SRPK2: variants seen among roughly 807,000 people sequenced by gnomAD.
SRPK2 encodes SFRS protein kinase 2.
Under a neutral mutation model 90.8 loss-of-function variants are expected in SRPK2, and 21 were observed. The observed-to-expected ratio is 0.23, with a 90% CI of 0.16 to 0.33. The LOEUF (loss-of-function observed/expected upper bound fraction) is 0.33. Among genes scored for constraint, SRPK2 ranks in the 10% least tolerant of loss-of-function variants. The probability of loss-of-function intolerance (pLI) is 1.00; values close to 1 mark genes in which losing one functional copy is unlikely to be tolerated. For synonymous variants in SRPK2, 288 were observed against 311.1 expected (o/e 0.93, Z 0.78); for missense variants, 620 against 869.0 (o/e 0.71, Z 3.60).
chr7:105,205,515 T>A (rs200094332), intron 2 of SRPK2, among the ~76,000 whole-genome samples: 207 of 111,762 alleles, frequency 1.9e-3, no homozygotes, highest in East Asian at 5.1e-3. Context: ...TCTCTCTCTC[T>A]CTCACACACA....
intron 3 of SRPK2, among the ~76,000 whole-genome samples, chr7:105,196,883 C>T (rs1222730021): frequency 1.3e-5 from 2 of 151,934 alleles, no homozygotes; most frequent in African/African-American, 2.4e-5. Flanking sequence ...AACCTCATCT[C>T]TACTAAAAAT....
At chr7:105,279,270 T>A (rs964993617) in intron 2 of SRPK2, among the ~76,000 whole-genome samples, 2 of 148,398 alleles carry the variant, frequency 1.3e-5, no homozygotes, top group African/African-American at 4.9e-5. Flanking sequence ...AAGGAGGTAG[T>A]CTCAGGCTGG....
intron 3 of SRPK2, among the ~76,000 whole-genome samples, chr7:105,202,228 G>GT (rs1213536777): frequency 6.6e-6 from 1 of 152,094 alleles, no homozygotes; most frequent in African/African-American, 2.4e-5. Context: ...CTCTTAGCAG[G>GT]TAATTAAATG....
chr7:105,157,483 A>G (rs1806681116), intron 7 of SRPK2, among the ~76,000 whole-genome samples: 1 of 152,234 alleles, frequency 6.6e-6, no homozygotes, highest in Non-Finnish European at 1.5e-5. Flanking sequence ...AACCTCAGGT[A>G]AGTAGATTAT....
At chr7:105,257,168 G>A (rs908845580) in intron 2 of SRPK2, among the ~76,000 whole-genome samples, 3 of 152,162 alleles carry the variant, frequency 2.0e-5, no homozygotes, top group Non-Finnish European at 2.9e-5. Context: ...AGTGGCTAGT[G>A]CATAGCAGCT....
chr7:105,157,315 A>G (rs1295162102), intron 7 of SRPK2, among the ~76,000 whole-genome samples: 1 of 152,214 alleles, frequency 6.6e-6, no homozygotes, highest in Non-Finnish European at 1.5e-5. Flanking sequence ...GAAGGTCTAC[A>G]GTGAAAGGAT....
intron 2 of SRPK2, among the ~76,000 whole-genome samples, chr7:105,254,514 C>T (rs1046846250): frequency 6.6e-6 from 1 of 152,166 alleles, no homozygotes; most frequent in African/African-American, 2.4e-5. Flanking sequence ...CAGTTCTATG[C>T]AACCTTTATA....
At chr7:105,146,746 C>G (rs1231882627) in intron 7 of SRPK2, 88 bp from the exon 8 acceptor site, 2 of 1,351,630 alleles carry the variant, frequency 1.5e-6, no homozygotes, top group Non-Finnish European at 2.0e-6. Flanking sequence ...TAATACAATG[C>G]CAGGGTACAA....
intron 13 of SRPK2, among the ~76,000 whole-genome samples, chr7:105,128,248 A>C (rs546931656): frequency 2.6e-5 from 4 of 152,208 alleles, no homozygotes; most frequent in Non-Finnish European, 5.9e-5. Context: ...ACCGAGCGAT[A>C]AGCATTAATT....
At chr7:105,388,560 G>A in intron 2 of SRPK2, 88 bp downstream of exon 2, 3 of 1,265,380 alleles carry the variant, frequency 2.4e-6, no homozygotes, top group Non-Finnish European at 3.2e-6. Context: ...CGCCGGCCCG[G>A]GGACCCGGAC....
intron 2 of SRPK2, among the ~76,000 whole-genome samples, chr7:105,329,557 G>A (rs1445794513): frequency 1.3e-5 from 2 of 149,254 alleles, no homozygotes; most frequent in East Asian, 3.9e-4. Flanking sequence ...TCGCACCACC[G>A]CACTCCAGCC....
intron 15 of SRPK2, 137 bp downstream of exon 15, chr7:105,126,111 T>G: frequency 1.3e-6 from 1 of 774,044 alleles, no homozygotes; most frequent in Non-Finnish European, 2.1e-6. Context: ...TGACAATTTT[T>G]CTATCAGCAT....
intron 2 of SRPK2, among the ~76,000 whole-genome samples, chr7:105,339,076 G>A (rs2131847018): frequency 6.6e-6 from 1 of 152,224 alleles, no homozygotes; most frequent in East Asian, 1.9e-4. Flanking sequence ...GTGTCTATTT[G>A]TATTTTACAA....
At chr7:105,373,736 C>T (rs1273147149) in intron 2 of SRPK2, among the ~76,000 whole-genome samples, 2 of 151,828 alleles carry the variant, frequency 1.3e-5, no homozygotes, top group African/African-American at 2.4e-5. Flanking sequence ...CAGACCAAGC[C>T]CTCTTCTCTC....
intron 2 of SRPK2, among the ~76,000 whole-genome samples, chr7:105,224,809 T>C (rs943120321): frequency 1.3e-5 from 2 of 152,212 alleles, no homozygotes; most frequent in African/African-American, 4.8e-5. Flanking sequence ...ATGAATTTAG[T>C]ACATTCAGTT....
chr7:105,249,133 T>A (rs1393069587), intron 2 of SRPK2, among the ~76,000 whole-genome samples: 1 of 152,134 alleles, frequency 6.6e-6, no homozygotes, highest in Non-Finnish European at 1.5e-5. Context: ...GTTTCACACA[T>A]CTGCAGCCTG....
chr7:105,215,429 G>A (rs1275347044), intron 2 of SRPK2, among the ~76,000 whole-genome samples: 1 of 152,206 alleles, frequency 6.6e-6, no homozygotes, highest in African/African-American at 2.4e-5. Context: ...TTGGACAACA[G>A]TCTAGCAGTA....
chr7:105,365,714 A>G (rs545669276), intron 2 of SRPK2, among the ~76,000 whole-genome samples: 12 of 151,814 alleles, frequency 7.9e-5, no homozygotes, highest in African/African-American at 2.9e-4. Context: ...TGGGAGGATC[A>G]TGTGAGCTTA....
At chr7:105,245,072 C>CACACACA in intron 2 of SRPK2, 7 of 596,346 alleles carry the variant, frequency 1.2e-5, no homozygotes, top group South Asian at 5.5e-5. Flanking sequence ...CACACACACA[C>CACACACA]ACCTCTTTTT....
Sources: allele counts gnomAD v4.1 joint callset (sites outside exome capture counted in the v4.1 genomes callset), GRCh38; gene constraint gnomAD v4.1.1; transcripts MANE v1.5; gene names NCBI Gene and HGNC (gene_info 2026-07-23, HGNC 2026-07-21).